HACL1: variants seen among roughly 807,000 people sequenced by gnomAD.
The protein encoded by HACL1 is 2-hydroxyacyl-CoA lyase 1, also known as 1600020H07Rik.
In HACL1, 64 loss-of-function variants were observed where a neutral mutation model predicts 74.2. The ratio of observed to expected loss-of-function variants is 0.86; its 90% CI spans 0.70 to 1.06. The LOEUF (loss-of-function observed/expected upper bound fraction) is 1.06, where lower values mean the gene tolerates loss of function less well. HACL1 is among the 50% of genes least tolerant of loss of function. The pLI is 0.00. For synonymous variants in HACL1, 230 were observed against 238.8 expected (o/e 0.96, Z 0.34); for missense variants, 728 against 719.7 (o/e 1.01, Z -0.13).
At chr3:15,591,967 GTATA>G (rs766032136) in intron 3 of HACL1, among the ~76,000 whole-genome samples, 1 of 148,024 alleles carries the variant, frequency 6.8e-6, no homozygotes, top group Non-Finnish European at 1.5e-5. Context: ...TATACATAGT[GTATA>G]TATATACACA....
intron 10 of HACL1, among the ~76,000 whole-genome samples, chr3:15,574,528 T>G (rs1434086276): frequency 9.9e-5 from 15 of 152,214 alleles, no homozygotes; most frequent in African/African-American, 1.7e-4. Context: ...CAGGTCAGAA[T>G]ACATTCCGGA....
chr3:15,571,829 CTTTTTTTTTTTTTT>C (rs869072841), intron 11 of HACL1, 60 bp from the exon 12 acceptor site: 25 of 226,204 alleles, frequency 1.1e-4, no homozygotes, highest in South Asian at 1.5e-4. Context: ...CCTTTTTTTT[CTTTTTTTTTTTTTT>C]TTTTTTTTTT....
Position 15,581,265 on chromosome 3 carries a change from G to A in HACL1, c.668-1220C>T, listed in dbSNP as rs186780030. Among the ~76,000 whole-genome samples the A allele has an allele frequency of 3.9e-5, 6 of 152,246 alleles. No homozygotes were observed. In the East Asian group the frequency reaches 9.6e-4, roughly 24 times the overall value. The stretch of plus-strand genomic sequence containing the variant: ...TAACCCTCTGCCCTATTCCCTTGAT[G>A]ACATTAAAAATACCTTATTGTTCAA... On this transcript the variant is annotated intron_variant, in intron 8 of 16. Coordinates refer to ENST00000321169, the MANE Select transcript of HACL1 (RefSeq NM_012260.4).
chr3:15,594,546 C>T (rs907849409), intron 3 of HACL1, among the ~76,000 whole-genome samples: 3 of 152,160 alleles, frequency 2.0e-5, no homozygotes, highest in African/African-American at 4.8e-5. Flanking sequence ...CTGTTTAAGA[C>T]AGACTTGAAA....
chr3:15,561,288 T>G (rs2063342917), intron 16 of HACL1, among the ~76,000 whole-genome samples: 1 of 152,192 alleles, frequency 6.6e-6, no homozygotes, highest in African/African-American at 2.4e-5. Context: ...CACCATCCTA[T>G]ACATATGGCC....
intron 9 of HACL1, among the ~76,000 whole-genome samples, chr3:15,579,259 A>C (rs578099401): frequency 1.1e-3 from 175 of 152,356 alleles, no homozygotes; most frequent in African/African-American, 4.1e-3. Flanking sequence ...ATCAACTCTC[A>C]AAAGAAAAGA....
intron 3 of HACL1, among the ~76,000 whole-genome samples, chr3:15,593,313 A>G (rs957945705): frequency 6.6e-6 from 1 of 151,854 alleles, no homozygotes; most frequent in Non-Finnish European, 1.5e-5. Flanking sequence ...TCCTAAGCTC[A>G]GGTGATCTTC....
chr3:15,577,991 G>A (rs555696529), intron 9 of HACL1, among the ~76,000 whole-genome samples: 4 of 151,600 alleles, frequency 2.6e-5, no homozygotes, highest in African/African-American at 9.7e-5. Context: ...CCAGCTACTA[G>A]GGAGGGTGAG....
At chr3:15,595,297 T>A (rs1226065598) in intron 3 of HACL1, among the ~76,000 whole-genome samples, 2 of 152,200 alleles carry the variant, frequency 1.3e-5, no homozygotes, top group Non-Finnish European at 2.9e-5. Flanking sequence ...GACAATAGTG[T>A]TACTTGATGG....
Position 15,591,516 on chromosome 3 carries a change from C to A in HACL1, c.308+84G>T, listed in dbSNP as rs961879442. The A allele has an allele frequency of 6.9e-6, 5 of 725,994 alleles. No homozygotes were observed. In the East Asian group the frequency reaches 1.2e-4, roughly 17 times the overall value. 45.0% of individuals were successfully genotyped at this position (725,994 alleles called of 1,614,324 possible). A position where few individuals can be genotyped will look rare whatever the true frequency, so the allele number is the denominator to read the frequency against. On this transcript the variant is annotated intron_variant, in intron 4 of 16. Transcript: ENST00000321169. ...GGTTTTTTTTTTCCAAGTCTTTCTACCCTAGATCAGCATTAGCTCTACTCA... is the reference window on the plus strand; with the variant it reads ...GGTTTTTTTTTTCCAAGTCTTTCTAACCTAGATCAGCATTAGCTCTACTCA...
chr3:15,588,130 G>T (rs2063824920), intron 5 of HACL1, among the ~76,000 whole-genome samples: 1 of 151,110 alleles, frequency 6.6e-6, no homozygotes, highest in African/African-American at 2.4e-5. Flanking sequence ...CTGACCTCAG[G>T]TGATCTACAC....
intron 9 of HACL1, among the ~76,000 whole-genome samples, chr3:15,578,055 G>A (rs185952978): frequency 1.2e-3 from 153 of 132,118 alleles, no homozygotes; most frequent in Middle Eastern, 5.3e-3. Context: ...CCAAGATCGC[G>A]CCACTGCACT....
In HACL1 at chr3:15,592,511, CACTTGTAT is replaced by C. The variant is rs1356900326; in HGVS notation, c.228-839_228-832del. ...TTGTATACATATACACTTGTATATA[CACTTGTAT>C]ACATATACACATGTATACACATGTA... On this transcript the variant is annotated intron_variant, in intron 3 of 16. Transcript: ENST00000321169. Among the ~76,000 whole-genome samples the C allele has an allele frequency of 2.1e-5, 3 of 145,312 alleles. 1 individual carries two copies. Among genetic ancestry groups the C allele is most frequent in the East Asian group, 3.9e-4 (2 of 5,166 alleles).
intron 11 of HACL1, among the ~76,000 whole-genome samples, chr3:15,572,515 G>A (rs535000457): frequency 6.6e-6 from 1 of 152,288 alleles, no homozygotes; most frequent in East Asian, 1.9e-4. Context: ...ACTCTTGCAG[G>A]AAAACCAACA....
chr3:15,586,371 C>T (rs1292268482), intron 6 of HACL1, among the ~76,000 whole-genome samples, 154 bp downstream of exon 6: 1 of 152,040 alleles, frequency 6.6e-6, no homozygotes, highest in Non-Finnish European at 1.5e-5. Flanking sequence ...TGACAGTGAA[C>T]ACTAAAATGT....
intron 16 of HACL1, 40 bp from the exon 17 acceptor site, chr3:15,560,937 G>T (rs771989545): frequency 2.7e-6 from 4 of 1,458,452 alleles, no homozygotes; most frequent in South Asian, 1.1e-5. Context: ...CAAAAGAAAT[G>T]ATTGTCTCAA....
At position 15,586,611 on chromosome 3, in the gene HACL1, A is replaced by G. The variant is rs746409090; in HGVS notation, c.382-9T>C. 6.6e-7 allele frequency: 1 copy of G among 1,518,290 alleles called. No homozygotes were observed. The highest frequency in any genetic ancestry group is 9.1e-7 in the Non-Finnish European group (1 of 1,095,102). 94.1% of individuals were successfully genotyped at this position (1,518,290 alleles called of 1,614,324 possible). On this transcript the variant is annotated splice_polypyrimidine_tract_variant and intron_variant, in intron 5 of 16. Coordinates refer to ENST00000321169, the MANE Select transcript of HACL1 (RefSeq NM_012260.4). ...AATCTACAAGCTTCAACCTACATGG[A>G]AAATGAAAATCACTTAAAATTCAGC... is the stretch of plus-strand genomic sequence containing the variant.
At chr3:15,564,998 CTACTAAAAA>C (rs1462696904) in intron 14 of HACL1, among the ~76,000 whole-genome samples, 1 of 152,074 alleles carries the variant, frequency 6.6e-6, no homozygotes, top group Non-Finnish European at 1.5e-5. Context: ...AACCCCGTCT[CTACTAAAAA>C]TACAAAAATT....
In HACL1 at chr3:15,579,964, C is replaced by A. The variant is rs1487847572; in HGVS notation, c.749G>T (p.Gly250Val). The change falls in exon 9 of 17, where the codon GGG becomes GTG. Residue 250 changes from glycine (G) to valine (V), a missense_variant. Coordinates refer to ENST00000321169, the MANE Select transcript of HACL1 (RefSeq NM_012260.4). ...YKLPFLPTPM[G>V]KGVVPDNHPY... ...ATGGTTGTCAGGGACAACACCCTTC[C>A]CCATAGGGGTGGGCAAAAATGGCAG... is the stretch of plus-strand genomic sequence containing the variant. 1 of 1,610,520 alleles carries A rather than the reference C, an allele frequency of 6.2e-7. No individual in the cohort carries two copies. Among genetic ancestry groups the A allele is most frequent in the African/African-American group, 1.3e-5 (1 of 74,860 alleles).
Sources: allele counts gnomAD v4.1 joint callset (sites outside exome capture counted in the v4.1 genomes callset), GRCh38; gene constraint gnomAD v4.1.1; transcripts MANE v1.5; gene names NCBI Gene and HGNC (gene_info 2026-07-23, HGNC 2026-07-21).